SETD1B: variants seen among roughly 807,000 people sequenced by gnomAD.
The protein encoded by SETD1B is SET domain containing 1B, histone lysine methyltransferase.
A neutral mutation model predicts 148.0 loss-of-function variants in SETD1B; 7 were observed. The observed-to-expected ratio is 0.05, with a 90% CI of 0.03 to 0.09. SETD1B has a LOEUF of 0.09. Ranked by LOEUF, SETD1B falls within the 10% of genes least tolerant of loss-of-function variation. The pLI is 1.00. For missense variants in SETD1B, 2,155 were observed against 2,729.9 expected, an observed-to-expected ratio of 0.79 and a Z score of 4.69; for synonymous variants, 1,361 against 1,186.5, an observed-to-expected ratio of 1.15 and a Z score of -3.02.
the SETD1B span, among the ~76,000 whole-genome samples, chr12:121,792,895 A>G: frequency 6.6e-6 from 1 of 152,228 alleles, no homozygotes; most frequent in African/African-American, 2.4e-5. Context: ...CAGGAGAGGA[A>G]CGAGCTGTGG....
At position 121,817,624 on chromosome 12, in the gene SETD1B, G is replaced by C. The variant is rs773282916; in HGVS notation, c.3232G>C (p.Glu1078Gln). The change falls in exon 9 of 17, where the codon GAG (glutamate) becomes CAG (glutamine). Residue 1078 changes from glutamate (E) to glutamine (Q), a missense_variant. Transcript: ENST00000604567. This position sits in a 1 kb window ranked among gnomAD's most constrained non-coding sequence, Gnocchi z 8.1. ...EEEQESTEEE[E>Q]EAEEEEEEEV... is the part of the protein sequence containing the mutation. ...GGAACAGGAGAGCACCGAGGAGGAAGAGGAGGCGGAGGAGGAGGAGGAGGA... is the reference window on the plus strand; with the variant it reads ...GGAACAGGAGAGCACCGAGGAGGAACAGGAGGCGGAGGAGGAGGAGGAGGA... The C allele has an allele frequency of 1.0e-5, 16 of 1,551,302 alleles. No homozygotes were observed. The highest frequency in any genetic ancestry group is 5.5e-5 in the African/African-American group (4 of 73,040).
At chr12:121,795,551 G>A in the SETD1B span, 2 of 152,338 alleles carry the variant, frequency 1.3e-5, no homozygotes, top group African/African-American at 4.8e-5. Flanking sequence ...GGTAACCGGG[G>A]TCAGATCATG....
chr12:121,809,476 A>G (rs1172455200), intron 5 of SETD1B, 127 bp from the exon 6 acceptor site: 8 of 1,051,126 alleles, frequency 7.6e-6, no homozygotes, highest in African/African-American at 4.8e-5. Context: ...CCCCACTTCC[A>G]TTCCTTATGC....
intron 13 of SETD1B, among the ~76,000 whole-genome samples, chr12:121,826,044 T>C (rs1242847402): frequency 6.6e-6 from 1 of 152,130 alleles, no homozygotes; most frequent in African/African-American, 2.4e-5. Context: ...CCAAATCCTA[T>C]TCCTCGTGGA....
the SETD1B span, among the ~76,000 whole-genome samples, chr12:121,794,783 C>A: frequency 6.6e-6 from 1 of 152,068 alleles, no homozygotes; most frequent in Admixed American, 6.5e-5. Context: ...CAGAGGGACC[C>A]CCCCCTGGAG....
rs769688790 is a variant in SETD1B at position 121,822,952 on chromosome 12, G to T, written c.4373G>T (p.Arg1458Leu). Residue 1458 changes from arginine to leucine, a missense_variant, in exon 12 of 17, where the codon CGC becomes CTC. Around this residue, in one of 11 missense-constraint regions of SETD1B, gnomAD observed 862 missense variants for 873.8 expected, o/e 0.99. Transcript: ENST00000604567. ...CTCCCCACTGGCCGACGCGATGAAC[G>T]CTCCGGGCCCCTGGCCTCCCCGGTG... ...CPLPTGRRDERSGPLASPVLL... is the reference protein window; with the variant it reads ...CPLPTGRRDELSGPLASPVLL... 1.9e-5 allele frequency: 29 copies of T among 1,537,444 alleles called. 1 individual carries two copies. In the South Asian group the frequency reaches 2.3e-4, roughly 12 times the overall value.
chr12:121,826,471 C>T (rs887421056), intron 13 of SETD1B, among the ~76,000 whole-genome samples: 9 of 152,060 alleles, frequency 5.9e-5, no homozygotes, highest in Non-Finnish European at 1.2e-4. Flanking sequence ...GCAGGCCTCC[C>T]TAGGACAGCA....
chr12:121,820,239 G>C (rs1315553585), intron 11 of SETD1B, among the ~76,000 whole-genome samples: 1 of 152,240 alleles, frequency 6.6e-6, no homozygotes, highest in Non-Finnish European at 1.5e-5. Flanking sequence ...AGTCGGTGGG[G>C]TAGGCCCTGG....
At chr12:121,790,325 G>A in the SETD1B span, among the ~76,000 whole-genome samples, 3 of 152,250 alleles carry the variant, frequency 2.0e-5, no homozygotes, top group East Asian at 5.8e-4. Context: ...GGCCCATTGG[G>A]TTCTAGAACT....
At chr12:121,793,294 C>G in the SETD1B span, 2 of 1,497,146 alleles carry the variant, frequency 1.3e-6, no homozygotes, top group South Asian at 1.2e-5. Flanking sequence ...GGCCAAAGTT[C>G]CAGCTGAATC....
Position 121,814,388 on chromosome 12 carries a change from G to T in SETD1B, c.2173G>T (p.Val725Leu), listed in dbSNP as rs1416032217. 1 of 1,198,878 alleles carries T rather than the reference G, an allele frequency of 8.3e-7. No individual in the cohort carries two copies. Among genetic ancestry groups the T allele is most frequent in the Admixed American group, 3.1e-5 (1 of 32,748 alleles). The allele number at this position is 1,198,878 out of a possible 1,614,324, so 74.3% of individuals were successfully genotyped here. ...PPPPAHPAVTVPPPPLPAPPG... is the reference protein window; with the variant it reads ...PPPPAHPAVTLPPPPLPAPPG... Reference sequence around the variant, plus strand: ...CCCTCCAGCCCACCCTGCTGTGACAGTGCCCCCACCACCCTTGCCAGCGCC... The same window carrying T: ...CCCTCCAGCCCACCCTGCTGTGACATTGCCCCCACCACCCTTGCCAGCGCC... The change falls in exon 7 of 17, where the codon GTG becomes TTG. Residue 725 changes from valine (V) to leucine (L), a missense_variant. Physicochemically the swap from Val to Leu is conservative, Grantham distance 32. Transcript: ENST00000604567.
In SETD1B at chr12:121,805,405, G is replaced by T. The variant is rs1297786002; in HGVS notation, c.273+189G>T. Among the ~76,000 whole-genome samples the T allele has an allele frequency of 6.6e-6, 1 of 152,156 alleles. No individual in the cohort carries two copies. The highest frequency in any genetic ancestry group is 2.4e-5 in the African/African-American group (1 of 41,442). The stretch of plus-strand genomic sequence containing the variant: ...CAGCTACTGAAAACAAAATAACACT[G>T]GGTGAAACTGTAATCACGGCGCAGA... On this transcript the variant is annotated intron_variant, in intron 3 of 16. Transcript: ENST00000604567. This position sits in a 1 kb window ranked among gnomAD's most constrained non-coding sequence, Gnocchi z 4.2.
intron 16 of SETD1B, among the ~76,000 whole-genome samples, chr12:121,828,704 C>T (rs1483150646): frequency 6.6e-6 from 1 of 152,200 alleles, no homozygotes; most frequent in Non-Finnish European, 1.5e-5. Context: ...GTGGATGCCC[C>T]TGACTTTGGG....
At position 121,805,764 on chromosome 12, in the gene SETD1B, C is replaced by CG. The variant is rs1285396764; in HGVS notation, c.274-64dup. 16 of 1,384,428 alleles carry CG rather than the reference C, an allele frequency of 1.2e-5. No homozygotes were observed. Among genetic ancestry groups the CG allele is most frequent in the East Asian group, 2.6e-5 (1 of 39,112 alleles). The allele number at this position is 1,384,428 out of a possible 1,614,324, so 85.8% of individuals were successfully genotyped here. ...ACGGGTGGGCGAGTTGCGGGCGGGGCGGGGGGGATGTTGTGTTTTCCCTTA... is the reference window on the plus strand; with the variant it reads ...ACGGGTGGGCGAGTTGCGGGCGGGGCGGGGGGGGATGTTGTGTTTTCCCTTA... On this transcript the variant is annotated intron_variant, in intron 3 of 16. Coordinates refer to ENST00000604567, the MANE Select transcript of SETD1B (RefSeq NM_001353345.2). This position sits in a 1 kb window ranked among gnomAD's most constrained non-coding sequence, Gnocchi z 4.2.
chr12:121,797,953 C>G, the SETD1B span: 5 of 272,936 alleles, frequency 1.8e-5, no homozygotes, highest in African/African-American at 1.1e-4. Context: ...GGAGCTGGAC[C>G]CAGCACGGCT....
chr12:121,803,500 G>A (rs1412851133), upstream of SETD1B: 2 of 152,204 alleles, frequency 1.3e-5, no homozygotes, highest in African/African-American at 4.8e-5. The surrounding 1 kb of genome is among the most constrained non-coding windows in gnomAD (Gnocchi z 4.7). Flanking sequence ...GGGGGTCGCG[G>A]GCCGCAGGAG....
In SETD1B at chr12:121,810,320, A is replaced by G; in HGVS notation, c.1375A>G (p.Thr459Ala). ...GCCACCCGGCCCGCCGCCCCCCGAC[A>G]CCAACAGCATGGAGCTGGGCGGCCG... ...GTPPGPPPPDTNSMELGGRPT... is the reference protein window; with the variant it reads ...GTPPGPPPPDANSMELGGRPT... Residue 459 changes from threonine to alanine, a missense_variant, in exon 6 of 17, where the codon ACC becomes GCC. Coordinates refer to ENST00000604567, the MANE Select transcript of SETD1B (RefSeq NM_001353345.2). This position sits in a 1 kb window ranked among gnomAD's most constrained non-coding sequence, Gnocchi z 7.6. 2 of 1,544,452 alleles carry G rather than the reference A, an allele frequency of 1.3e-6. No homozygotes were observed. Among genetic ancestry groups the G allele is most frequent in the Non-Finnish European group, 1.7e-6 (2 of 1,146,494 alleles).
At chr12:121,795,661 T>C in the SETD1B span, 15 of 152,456 alleles carry the variant, frequency 9.8e-5, no homozygotes, top group African/African-American at 3.4e-4. Flanking sequence ...GGAGGAGCTG[T>C]GACTGGCTGG....
rs1252679456 is a variant in SETD1B, at chr12:121,805,669, A to G, written c.274-166A>G. Among the ~76,000 whole-genome samples the G allele has an allele frequency of 2.3e-5, 3 of 131,358 alleles. No individual in the cohort carries two copies. Among genetic ancestry groups the G allele is most frequent in the African/African-American group, 8.6e-5 (3 of 34,710 alleles). The allele number at this position is 131,358 out of a possible 152,430, so 86.2% of individuals were successfully genotyped here. On this transcript the variant is annotated intron_variant, in intron 3 of 16. Coordinates refer to ENST00000604567, the MANE Select transcript of SETD1B (RefSeq NM_001353345.2). This position sits in a 1 kb window ranked among gnomAD's most constrained non-coding sequence, Gnocchi z 4.2. Reference sequence around the variant, plus strand: ...CCGCTTCCCGGGCCCGCCCGCGTGCATTTTTTTTTTCCAAAAAAAATTTTT... The same window carrying G: ...CCGCTTCCCGGGCCCGCCCGCGTGCGTTTTTTTTTTCCAAAAAAAATTTTT...
Sources: gnomAD v4.1 joint callset for allele counts (sites outside exome capture counted in the v4.1 genomes callset) on GRCh38, gnomAD v4.1.1 for gene constraint, gnomAD v4.1.1 regional missense constraint, Gnocchi (gnomAD v3.1) non-coding constraint, MANE v1.5 for transcripts, NCBI Gene and HGNC (gene_info 2026-07-23, HGNC 2026-07-21) for gene names.